Variants in CHRM3 observed in about 807,000 individuals in gnomAD.
The protein encoded by CHRM3 is muscarinic acetylcholine receptor M3.
A neutral mutation model predicts 41.8 loss-of-function variants in CHRM3; 11 were observed. That is an observed-to-expected ratio of 0.26 (90% CI 0.17 to 0.44). The LOEUF (loss-of-function observed/expected upper bound fraction) is 0.44, where lower values mean the gene tolerates loss of function less well. CHRM3 is among the 20% of genes least tolerant of loss of function. The pLI is 1.00. For missense variants in CHRM3, 571 were observed against 745.4 expected (o/e 0.77, Z 2.72); for synonymous variants, 297 against 301.4 (o/e 0.99, Z 0.15).
chr1:239,862,554 G>A (rs1205816376), intron 6 of CHRM3, among the ~76,000 whole-genome samples: 3 of 152,154 alleles, frequency 2.0e-5, no homozygotes, highest in Non-Finnish European at 4.4e-5. Flanking sequence ...ATTAAAAATA[G>A]CACTTAGAGG....
intron 1 of CHRM3, among the ~76,000 whole-genome samples, chr1:239,468,755 T>C (rs10754671): frequency 0.58 from 88,123 of 152,002 alleles, 26,088 homozygotes; most frequent in African/African-American, 0.68. Context: ...TTTATATCTT[T>C]TTATGTACTA....
At chr1:239,485,849 G>A (rs886165660) in intron 1 of CHRM3, among the ~76,000 whole-genome samples, 1 of 152,172 alleles carries the variant, frequency 6.6e-6, no homozygotes, top group African/African-American at 2.4e-5. Context: ...TTTTCTGTCA[G>A]TCGGTGATCT....
At chr1:239,621,224 T>C (rs1668324258) in intron 3 of CHRM3, among the ~76,000 whole-genome samples, 1 of 152,170 alleles carries the variant, frequency 6.6e-6, no homozygotes, top group African/African-American at 2.4e-5. Flanking sequence ...TAAATGTAAT[T>C]AATGAATGTG....
At chr1:239,491,304 G>C (rs1355324317) in intron 1 of CHRM3, among the ~76,000 whole-genome samples, 2 of 152,094 alleles carry the variant, frequency 1.3e-5, no homozygotes, top group African/African-American at 2.4e-5. Flanking sequence ...CTATCTAGCT[G>C]CACTTTTATA....
intron 1 of CHRM3, among the ~76,000 whole-genome samples, chr1:239,428,631 C>T (rs1373563161): frequency 6.6e-6 from 1 of 152,110 alleles, no homozygotes; most frequent in African/African-American, 2.4e-5. Context: ...ATTTTTTCAT[C>T]GTGTACTGTT....
chr1:239,717,544 A>G (rs1337972683), intron 5 of CHRM3, among the ~76,000 whole-genome samples: 2 of 152,026 alleles, frequency 1.3e-5, no homozygotes, highest in African/African-American at 4.8e-5. Context: ...GGTTGTTATC[A>G]GTTGGTTACG....
intron 4 of CHRM3, among the ~76,000 whole-genome samples, chr1:239,641,523 C>T (rs548079039): frequency 9.6e-5 from 14 of 145,182 alleles, no homozygotes; most frequent in Admixed American, 9.0e-4. Flanking sequence ...TATGTAATGG[C>T]CTTCTTTGTC....
intron 3 of CHRM3, among the ~76,000 whole-genome samples, chr1:239,594,134 T>A (rs1434637654): frequency 6.6e-6 from 1 of 152,242 alleles, no homozygotes; most frequent in East Asian, 1.9e-4. Flanking sequence ...TTAGCATTAT[T>A]AGTTTTAACA....
At chr1:239,777,806 G>A (rs1250762122) in intron 5 of CHRM3, among the ~76,000 whole-genome samples, 1 of 152,136 alleles carries the variant, frequency 6.6e-6, no homozygotes, top group African/African-American at 2.4e-5. Context: ...TAGGATATTA[G>A]CCAAAAATGT....
Position 239,525,293 on chromosome 1 carries a change from C to A in CHRM3, c.-421-20348C>A, listed in dbSNP as rs1277370580. Among the ~76,000 whole-genome samples, 6 of 152,270 alleles carry A rather than the reference C, an allele frequency of 3.9e-5. No individual in the cohort carries two copies. In the East Asian group the frequency reaches 9.7e-4, roughly 24 times the overall value. On this transcript the variant is annotated intron_variant, in intron 2 of 6. Coordinates refer to ENST00000676153, the MANE Select transcript of CHRM3 (RefSeq NM_001375978.1). The stretch of plus-strand genomic sequence containing the variant: ...GCTGAGGCCACAGTGGGCCAGTGAT[C>A]CCACCACTGCTCTCCAGCCCTGGTG...
chr1:239,845,514 G>C (rs1174433728), intron 6 of CHRM3, among the ~76,000 whole-genome samples: 1 of 152,204 alleles, frequency 6.6e-6, no homozygotes, highest in Non-Finnish European at 1.5e-5. Context: ...AGTTCTCTTA[G>C]ATATTGCTTA....
chr1:239,598,704 A>G (rs1665105400), intron 3 of CHRM3, among the ~76,000 whole-genome samples: 1 of 152,164 alleles, frequency 6.6e-6, no homozygotes, highest in Admixed American at 6.5e-5. Context: ...TAAAATTTGA[A>G]TATGTCCAAA....
At chr1:239,791,763 G>T (rs1313118201) in intron 5 of CHRM3, among the ~76,000 whole-genome samples, 1 of 152,290 alleles carries the variant, frequency 6.6e-6, no homozygotes, top group African/African-American at 2.4e-5. Flanking sequence ...ACTGAGATGG[G>T]TAAGAAAGGA....
At chr1:239,551,497 T>A (rs1245202776) in intron 3 of CHRM3, among the ~76,000 whole-genome samples, 1 of 145,910 alleles carries the variant, frequency 6.9e-6, no homozygotes, top group African/African-American at 2.5e-5. Flanking sequence ...GCTATTTGTT[T>A]AAAAATAGAG....
At chr1:239,587,926 A>G (rs924695139) in intron 3 of CHRM3, among the ~76,000 whole-genome samples, 2 of 152,208 alleles carry the variant, frequency 1.3e-5, no homozygotes, top group African/African-American at 4.8e-5. Flanking sequence ...AGACCAGTAA[A>G]CAAACTTATG....
chr1:239,571,243 A>G lies in CHRM3; in HGVS notation c.-313+25494A>G, dbSNP rs545154361. Among the ~76,000 whole-genome samples, 43 of 152,316 alleles carry G rather than the reference A, an allele frequency of 2.8e-4. 1 individual carries two copies. The South Asian group carries it at 8.5e-3, about 30-fold the overall frequency. ...GCATCACCTTCCCACTACACCTTCC[A>G]ACCAGCTTGTTAGGGCCTGGCCTAT... On this transcript the variant is annotated intron_variant, in intron 3 of 6. Transcript: ENST00000676153.
rs145004023 is a variant in CHRM3, at chr1:239,855,399, T to C, written c.-20+28021T>C. On this transcript the variant is annotated intron_variant, in intron 6 of 6. Transcript: ENST00000676153. ...CACATATTTTCATTTAAACTTTAGA[T>C]GAATTGCAATTTCCAAATCCACTTT... Among the ~76,000 whole-genome samples the C allele has an allele frequency of 8.5e-5, 13 of 152,340 alleles. No individual in the cohort carries two copies. The East Asian group carries it at 2.5e-3, about 29-fold the overall frequency.
In CHRM3 at chr1:239,808,359, C is replaced by T. The variant is rs140386816; in HGVS notation, c.-146-18893C>T. ...AGGTCATTTTATGGACAGGATTAAT[C>T]TGCAACAGAGAAGGTGGAGATTCAT... is the stretch of plus-strand genomic sequence containing the variant. On this transcript the variant is annotated intron_variant, in intron 5 of 6. Transcript: ENST00000676153. Among the ~76,000 whole-genome samples the T allele has an allele frequency of 2.0e-3, 300 of 152,218 alleles. 1 individual carries two copies. Among genetic ancestry groups the T allele is most frequent in the Admixed American group, 4.8e-3 (74 of 15,282 alleles).
intron 5 of CHRM3, among the ~76,000 whole-genome samples, chr1:239,782,133 G>A (rs924995372): frequency 6.6e-5 from 10 of 152,086 alleles, no homozygotes; most frequent in African/African-American, 2.4e-4. Flanking sequence ...CTCATAGAGT[G>A]TATTAGTATT....
Sources: gnomAD v4.1 joint callset for allele counts (sites outside exome capture counted in the v4.1 genomes callset) on GRCh38, gnomAD v4.1.1 for gene constraint, MANE v1.5 for transcripts, NCBI Gene and HGNC (gene_info 2026-07-23, HGNC 2026-07-21) for gene names.